Variants in SOX6 observed in about 807,000 individuals in gnomAD.
SOX6 encodes the protein SRY-box transcription factor 6.
Under a neutral mutation model 97.8 loss-of-function variants are expected in SOX6, and 11 were observed. That is an observed-to-expected ratio of 0.11 (90% CI 0.07 to 0.19). The LOEUF is 0.19. SOX6 is among the 10% of genes least tolerant of loss of function. The pLI is 1.00. For missense variants in SOX6, 810 were observed against 1,039.5 expected, an observed-to-expected ratio of 0.78 and a Z score of 3.04; for synonymous variants, 360 against 371.4, an observed-to-expected ratio of 0.97 and a Z score of 0.35.
intron 4 of SOX6, among the ~76,000 whole-genome samples, chr11:16,517,199 G>A (rs1351225092): frequency 6.6e-5 from 10 of 152,128 alleles, no homozygotes; most frequent in South Asian, 2.1e-4. Context: ...AGAGCTATCT[G>A]TGACAAACCC....
chr11:16,364,858 C>G (rs771647961), intron 1 of SOX6, among the ~76,000 whole-genome samples: 1 of 152,160 alleles, frequency 6.6e-6, no homozygotes, highest in East Asian at 1.9e-4. Context: ...TCAGATCCCA[C>G]GATTTTGACA....
chr11:16,668,323 A>C (rs1472819460), intron 3 of SOX6, among the ~76,000 whole-genome samples: 1 of 152,230 alleles, frequency 6.6e-6, no homozygotes, highest in Non-Finnish European at 1.5e-5. Context: ...CAGTGAGCCA[A>C]GATCATGCCA....
rs34111311 is a variant in SOX6 at position 16,733,723 on chromosome 11, T to TA, written n.353+2615dup. ...CACATGTATCCCAGAACTTAAAGTA[T>TA]AAAAAAAAAAAAAAAAAAAAGGGCC... On this transcript the variant is annotated intron_variant and non_coding_transcript_variant, in intron 2 of 5. Coordinates refer to the SOX6 transcript ENST00000524520. Among the ~76,000 whole-genome samples the TA allele has an allele frequency of 8.3e-3, 973 of 116,628 alleles. 8 individuals are homozygous for TA. The highest frequency in any genetic ancestry group is 0.029 in the African/African-American group (856 of 29,540). The allele number at this position is 116,628 out of a possible 152,430, so 76.5% of individuals were successfully genotyped here.
At chr11:16,426,496 A>C (rs189219015) in intron 1 of SOX6, among the ~76,000 whole-genome samples, 2 of 152,226 alleles carry the variant, frequency 1.3e-5, no homozygotes, top group East Asian at 3.9e-4. Context: ...AACTAGAAAT[A>C]AGACCACACA....
At chr11:16,256,252 T>TA in intron 3 of SOX6, among the ~76,000 whole-genome samples, 2 of 151,806 alleles carry the variant, frequency 1.3e-5, no homozygotes, top group Admixed American at 1.3e-4. Flanking sequence ...TATAAGAAAA[T>TA]AAAAACCATA....
chr11:16,099,113 T>C (rs941693818), intron 7 of SOX6, among the ~76,000 whole-genome samples: 30 of 151,832 alleles, frequency 2.0e-4, no homozygotes, highest in African/African-American at 6.8e-4. Context: ...TGATTGCATA[T>C]GGAGCGCTGC....
chr11:16,136,924 T>G (rs1440593022), intron 6 of SOX6, among the ~76,000 whole-genome samples: 2 of 152,252 alleles, frequency 1.3e-5, no homozygotes, highest in African/African-American at 4.8e-5. Flanking sequence ...GGTTTTACTT[T>G]GCCTGTTGTA....
rs117781856 is a variant in SOX6, at chr11:16,447,394, G to A, written c.-5+28921C>T. ...TACAGTAATAGTTTTTACCTTACAG[G>A]GTAATTATGAGGATTAAGTGAGAAA... On this transcript the variant is annotated intron_variant, in intron 1 of 15. Transcript: ENST00000396356. Among the ~76,000 whole-genome samples, 179 of 151,732 alleles carry A rather than the reference G, an allele frequency of 1.2e-3. No individual in the cohort carries two copies. The East Asian group carries it at 0.029, about 24-fold the overall frequency.
At chr11:16,161,914 C>T (rs1456188523) in intron 6 of SOX6, among the ~76,000 whole-genome samples, 1 of 152,182 alleles carries the variant, frequency 6.6e-6, no homozygotes, top group Non-Finnish European at 1.5e-5. Context: ...ATGGTCCTCA[C>T]TCTCTTATCC....
intron 1 of SOX6, among the ~76,000 whole-genome samples, chr11:16,346,015 T>G (rs1856768575): frequency 6.6e-6 from 1 of 152,014 alleles, no homozygotes; most frequent in African/African-American, 2.4e-5. Context: ...TCCAGGTGTG[T>G]TACATTTATT....
chr11:16,328,097 G>T (rs1410045242), intron 2 of SOX6, among the ~76,000 whole-genome samples: 3 of 152,136 alleles, frequency 2.0e-5, no homozygotes, highest in Admixed American at 1.3e-4. Flanking sequence ...AAGGTTTATT[G>T]AGATATCCAA....
chr11:15,992,866 C>A (rs1854098262), intron 13 of SOX6, among the ~76,000 whole-genome samples: 1 of 151,854 alleles, frequency 6.6e-6, no homozygotes, highest in South Asian at 2.1e-4. Flanking sequence ...CTTCAATATT[C>A]TGATAGAAAA....
In SOX6 at chr11:16,040,028, G is replaced by A. The variant is rs139828857; in HGVS notation, c.1623+6486C>T. On this transcript the variant is annotated intron_variant, in intron 12 of 15. Transcript: ENST00000683767. ...TAGGTCTATAAAATCCTCATAATTA[G>A]TAAGTTTGCTCCATACATAACAAAA... 2.8e-3 allele frequency among the ~76,000 whole-genome samples: 424 copies of A among 152,048 alleles called. 3 individuals are homozygous for A. The highest frequency in any genetic ancestry group is 8.3e-3 in the African/African-American group (344 of 41,526).
intron 4 of SOX6, among the ~76,000 whole-genome samples, chr11:16,229,857 T>G (rs1852796394): frequency 6.6e-6 from 1 of 151,756 alleles, no homozygotes; most frequent in Non-Finnish European, 1.5e-5. Context: ...TATTCAACAT[T>G]TTACATAACC....
chr11:16,515,082 A>G (rs1860948554), intron 4 of SOX6, among the ~76,000 whole-genome samples: 1 of 150,540 alleles, frequency 6.6e-6, no homozygotes, highest in East Asian at 2.0e-4. Context: ...TGGCTGGGTC[A>G]AATGGTATTT....
At chr11:16,510,046 T>C (rs145184432) in intron 4 of SOX6, among the ~76,000 whole-genome samples, 115 of 152,188 alleles carry the variant, frequency 7.6e-4, no homozygotes, top group African/African-American at 2.6e-3. Context: ...ACAGACCTCA[T>C]TTCTATATAA....
chr11:16,196,254 G>A (rs1015789704), intron 4 of SOX6, among the ~76,000 whole-genome samples: 6 of 152,234 alleles, frequency 3.9e-5, no homozygotes, highest in Non-Finnish European at 8.8e-5. Context: ...CAAAAGTAAC[G>A]CAGCTTGCCC....
intron 1 of SOX6, among the ~76,000 whole-genome samples, chr11:16,468,499 A>G (rs1307581348): frequency 2.0e-5 from 3 of 152,216 alleles, no homozygotes; most frequent in Non-Finnish European, 4.4e-5. Flanking sequence ...TAAATCATCA[A>G]TATATGATCT....
Position 16,186,833 on chromosome 11 carries a change from T to A in SOX6, c.658A>T (p.Ile220Phe). Residue 220 changes from isoleucine (I) to phenylalanine (F), a missense_variant, in exon 5 of 16, where the codon ATT (isoleucine) becomes TTT (phenylalanine). This residue lies in a region of SOX6 where 110 missense variants were observed against 119.0 expected (regional missense o/e 0.92). Transcript: ENST00000683767. ...TCCATTTGCTGCCGTTGTTTCTCAA[T>A]TTGTGACGCTGCCAGTTTTTTCTGT... ...DEQKKLAASQ[I>F]EKQRQQMDLA... is the part of the protein sequence containing the mutation. 6.2e-7 allele frequency: 1 copy of A among 1,613,776 alleles called. No homozygotes were observed. Among genetic ancestry groups the A allele is most frequent in the Non-Finnish European group, 8.5e-7 (1 of 1,179,840 alleles).
Sources: gnomAD v4.1 joint callset for allele counts (sites outside exome capture counted in the v4.1 genomes callset) on GRCh38, gnomAD v4.1.1 for gene constraint, gnomAD v4.1.1 regional missense constraint, MANE v1.5 for transcripts, NCBI Gene and HGNC (gene_info 2026-07-23, HGNC 2026-07-21) for gene names.